Variants in SETBP1 observed in about 807,000 individuals in gnomAD.
SETBP1 encodes SET binding protein 1.
SETBP1 carries 9 observed loss-of-function variants against 101.0 expected under a neutral mutation model. The observed-to-expected ratio is 0.09, with a 90% CI of 0.05 to 0.16. The LOEUF is 0.16. Ranked by LOEUF, SETBP1 falls within the 10% of genes least tolerant of loss-of-function variation. SETBP1 has a pLI of 1.00. For missense variants in SETBP1, 1,858 were observed against 2,033.8 expected (o/e 0.91, Z 1.66); for synonymous variants, 818 against 788.5 (o/e 1.04, Z -0.63).
intron 2 of SETBP1, among the ~76,000 whole-genome samples, chr18:44,820,313 G>A (rs970012038): frequency 2.0e-5 from 3 of 152,180 alleles, no homozygotes; most frequent in Non-Finnish European, 4.4e-5. Context: ...AAATGTTCTG[G>A]GGGAGGACAC....
In SETBP1 at chr18:45,057,736, G is replaced by C. The variant is rs113618892; in HGVS notation, c.4172-5343G>C. Among the ~76,000 whole-genome samples, 291 of 152,294 alleles carry C rather than the reference G, an allele frequency of 1.9e-3. 3 individuals carry two copies. The highest frequency in any genetic ancestry group is 6.7e-3 in the African/African-American group (279 of 41,576). ...AGCAAGAAAAATTCTAAGGAATCTAGAAGTAAATTTGCCTCCCTCCACAAT... is the reference window on the plus strand; with the variant it reads ...AGCAAGAAAAATTCTAAGGAATCTACAAGTAAATTTGCCTCCCTCCACAAT... On this transcript the variant is annotated intron_variant, in intron 5 of 5. Coordinates refer to ENST00000649279, the MANE Select transcript of SETBP1 (RefSeq NM_015559.3).
chr18:44,830,828 AC>A (rs1441563430), intron 2 of SETBP1, among the ~76,000 whole-genome samples: 1 of 152,234 alleles, frequency 6.6e-6, no homozygotes, highest in Non-Finnish European at 1.5e-5. Context: ...GAAACCCTAT[AC>A]ATTGAGAATT....
At chr18:44,863,191 T>C (rs558183362) in intron 2 of SETBP1, among the ~76,000 whole-genome samples, 2 of 152,212 alleles carry the variant, frequency 1.3e-5, no homozygotes, top group Non-Finnish European at 2.9e-5. Context: ...GTAGAAGCCC[T>C]CCTTAGACCC....
chr18:44,891,208 C>T (rs1436792505), intron 3 of SETBP1, among the ~76,000 whole-genome samples: 1 of 152,056 alleles, frequency 6.6e-6, no homozygotes, highest in Non-Finnish European at 1.5e-5. Context: ...GAAAGGCCTG[C>T]CTCCATGATT....
At chr18:44,762,145 T>TTTC (rs998558901) in intron 2 of SETBP1, among the ~76,000 whole-genome samples, 3 of 151,790 alleles carry the variant, frequency 2.0e-5, no homozygotes, top group African/African-American at 4.8e-5. Flanking sequence ...ACACTTTTTT[T>TTTC]TTTTTCTTTT....
At chr18:44,788,163 C>T (rs1259607041) in intron 2 of SETBP1, among the ~76,000 whole-genome samples, 2 of 151,900 alleles carry the variant, frequency 1.3e-5, no homozygotes, top group African/African-American at 4.8e-5. Flanking sequence ...CCGCTGGCTC[C>T]TGGGAAAAGC....
chr18:44,768,288 T>G (rs906966681), intron 2 of SETBP1, among the ~76,000 whole-genome samples: 1 of 152,212 alleles, frequency 6.6e-6, no homozygotes, highest in African/African-American at 2.4e-5. Context: ...TTATGTTACA[T>G]ATTGGGATCT....
At chr18:44,932,130 G>A (rs976753660) in intron 3 of SETBP1, among the ~76,000 whole-genome samples, 44 of 152,166 alleles carry the variant, frequency 2.9e-4, no homozygotes, top group African/African-American at 9.7e-4. Context: ...TGTAAGGCAG[G>A]CCTGGTGGTG....
At chr18:44,877,358 T>C in intron 3 of SETBP1, 1 of 968,512 alleles carries the variant, frequency 1.0e-6, no homozygotes, top group Non-Finnish European at 1.2e-6. Context: ...TGATAAGCTC[T>C]GTTCTAGTTA....
intron 4 of SETBP1, among the ~76,000 whole-genome samples, chr18:44,981,246 C>T (rs1386473646): frequency 6.6e-6 from 1 of 152,216 alleles, no homozygotes. Context: ...TGCCCCGACT[C>T]TCACCGTAAT....
intron 2 of SETBP1, among the ~76,000 whole-genome samples, chr18:44,737,662 T>TA (rs2069999089): frequency 6.6e-6 from 1 of 152,240 alleles, no homozygotes; most frequent in Non-Finnish European, 1.5e-5. Flanking sequence ...ATGAAGGCAT[T>TA]AGGCTACATA....
chr18:44,982,568 A>G (rs2072138838), intron 4 of SETBP1, among the ~76,000 whole-genome samples: 1 of 152,252 alleles, frequency 6.6e-6, no homozygotes, highest in African/African-American at 2.4e-5. Context: ...TATCCATACA[A>G]GTAAAATAAC....
chr18:44,776,742 T>G (rs114964123), intron 2 of SETBP1, among the ~76,000 whole-genome samples: 107 of 152,350 alleles, frequency 7.0e-4, no homozygotes, highest in African/African-American at 2.5e-3. Context: ...GATAATATCC[T>G]AGGAAATTTA....
chr18:44,976,726 T>C (rs1599400492), intron 4 of SETBP1, among the ~76,000 whole-genome samples: 1 of 152,360 alleles, frequency 6.6e-6, no homozygotes, highest in East Asian at 1.9e-4. Context: ...GTGAGTTATT[T>C]ACTTCTCTGT....
At chr18:44,926,840 G>A (rs2070717286) in intron 3 of SETBP1, among the ~76,000 whole-genome samples, 1 of 152,210 alleles carries the variant, frequency 6.6e-6, no homozygotes, top group Admixed American at 6.5e-5. Flanking sequence ...AAAAGCTTCA[G>A]GTTCAGGTCA....
At chr18:44,708,473 C>G (rs1275889018) in intron 2 of SETBP1, among the ~76,000 whole-genome samples, 1 of 152,170 alleles carries the variant, frequency 6.6e-6, no homozygotes, top group East Asian at 1.9e-4. Context: ...TACCACATTT[C>G]TATGTATTCA....
intron 4 of SETBP1, among the ~76,000 whole-genome samples, chr18:44,962,501 G>A (rs2071633516): frequency 6.6e-6 from 1 of 152,144 alleles, no homozygotes; most frequent in Admixed American, 6.5e-5. Context: ...CAAGAAACAT[G>A]CCTGTCCTCA....
intron 3 of SETBP1, among the ~76,000 whole-genome samples, chr18:44,940,412 T>C (rs1330928765): frequency 1.3e-5 from 2 of 152,218 alleles, no homozygotes; most frequent in Non-Finnish European, 2.9e-5. Context: ...GTTTACTATG[T>C]TGCTTGTATT....
chr18:44,818,206 C>T (rs2144866906), intron 2 of SETBP1, among the ~76,000 whole-genome samples: 1 of 152,274 alleles, frequency 6.6e-6, no homozygotes, highest in African/African-American at 2.4e-5. Context: ...TTTTGAGAAG[C>T]ATTTTTTTTA....
Sources: gnomAD v4.1 joint callset for allele counts (sites outside exome capture counted in the v4.1 genomes callset) on GRCh38, gnomAD v4.1.1 for gene constraint, MANE v1.5 for transcripts, NCBI Gene and HGNC (gene_info 2026-07-23, HGNC 2026-07-21) for gene names.